Variants in ACAA2 observed in about 807,000 individuals in gnomAD.
ACAA2 encodes the protein acetyl-CoA acyltransferase 2, also known as 3-ketoacyl-CoA thiolase, mitochondrial.
Under a neutral mutation model 44.8 loss-of-function variants are expected in ACAA2, and 35 were observed. That is an observed-to-expected ratio of 0.78 (90% CI 0.60 to 1.04). The LOEUF (loss-of-function observed/expected upper bound fraction) is 1.04. Ranked by LOEUF, ACAA2 falls within the 50% of genes least tolerant of loss-of-function variation. The pLI, the probability that ACAA2 is intolerant of heterozygous loss-of-function variation, is 0.00. For missense variants in ACAA2, 468 were observed against 482.6 expected, an observed-to-expected ratio of 0.97 and a Z score of 0.28; for synonymous variants, 142 against 166.5, an observed-to-expected ratio of 0.85 and a Z score of 1.13.
chr18:49,808,823 T>G (rs1186709161), intron 1 of ACAA2, among the ~76,000 whole-genome samples: 1 of 152,236 alleles, frequency 6.6e-6, no homozygotes, highest in Non-Finnish European at 1.5e-5. Flanking sequence ...TGTTCAGCTG[T>G]GCACATATTG....
chr18:49,792,031 C>A (rs2023407370), intron 6 of ACAA2, 121 bp downstream of exon 6: 1 of 647,510 alleles, frequency 1.5e-6, no homozygotes, highest in African/African-American at 1.8e-5. Context: ...TGAATATGAA[C>A]ACTATTAGTT....
At chr18:49,799,372 G>A (rs912331397) in intron 2 of ACAA2, among the ~76,000 whole-genome samples, 6 of 151,486 alleles carry the variant, frequency 4.0e-5, no homozygotes, top group African/African-American at 1.5e-4. Flanking sequence ...GCGCCGCCAC[G>A]CCTGACTGGT....
intron 1 of ACAA2, among the ~76,000 whole-genome samples, chr18:49,807,251 TG>T (rs1285944739): frequency 6.6e-6 from 1 of 152,100 alleles, no homozygotes; most frequent in African/African-American, 2.4e-5. Context: ...AAAAATTAGT[TG>T]GGCATAGTGG....
At chr18:49,785,470 G>A (rs891570535) in intron 8 of ACAA2, 119 bp from the exon 9 acceptor site, 34 of 940,806 alleles carry the variant, frequency 3.6e-5, no homozygotes, top group African/African-American at 2.9e-4. Context: ...AAATTACCTC[G>A]CAAAGTTATT....
chr18:49,787,164 A>T, intron 8 of ACAA2, 127 bp downstream of exon 8: 1 of 684,888 alleles, frequency 1.5e-6, no homozygotes. Context: ...TTAGATGTAC[A>T]TCATTTGGAA....
At chr18:49,796,418 A>G (rs776951052) in intron 3 of ACAA2, among the ~76,000 whole-genome samples, 1 of 152,186 alleles carries the variant, frequency 6.6e-6, no homozygotes, top group Non-Finnish European at 1.5e-5. Context: ...GGTTCTTAAA[A>G]TTATTACTAG....
At chr18:49,788,588 A>G (rs1425691409) in intron 7 of ACAA2, among the ~76,000 whole-genome samples, 1 of 152,220 alleles carries the variant, frequency 6.6e-6, no homozygotes, top group Admixed American at 6.5e-5. Context: ...GAAATCATGA[A>G]AATGAGATGG....
intron 9 of ACAA2, among the ~76,000 whole-genome samples, chr18:49,784,854 A>G (rs1380792498): frequency 6.6e-6 from 1 of 151,676 alleles, no homozygotes; most frequent in Non-Finnish European, 1.5e-5. Flanking sequence ...TCTAAAATAG[A>G]TTTATTTTAC....
chr18:49,795,084 C>CT (rs1445274980), intron 4 of ACAA2, among the ~76,000 whole-genome samples: 1 of 152,190 alleles, frequency 6.6e-6, no homozygotes, highest in Non-Finnish European at 1.5e-5. Flanking sequence ...CATAGATTCT[C>CT]TTAAGTCCCA....
intron 1 of ACAA2, chr18:49,803,073 G>A: frequency 5.2e-6 from 3 of 579,060 alleles, no homozygotes; most frequent in Non-Finnish European, 6.2e-6. Context: ...ACCAAGAACT[G>A]CACTGCATGC....
intron 1 of ACAA2, among the ~76,000 whole-genome samples, chr18:49,805,444 G>A (rs956318108): frequency 5.3e-5 from 8 of 152,186 alleles, no homozygotes; most frequent in Non-Finnish European, 8.8e-5. Flanking sequence ...AATACTAGTC[G>A]AGTGCATTAC....
chr18:49,806,151 C>CTAT (rs2023608306), intron 1 of ACAA2, among the ~76,000 whole-genome samples: 4 of 152,126 alleles, frequency 2.6e-5, no homozygotes, highest in Non-Finnish European at 4.4e-5. Flanking sequence ...TTATTTATAG[C>CTAT]AACTAACTTG....
intron 5 of ACAA2, among the ~76,000 whole-genome samples, chr18:49,793,604 A>G (rs1471335006): frequency 2.6e-5 from 4 of 152,350 alleles, no homozygotes; most frequent in Admixed American, 6.5e-5. Context: ...CTTTATCCTC[A>G]TTACTTCAAG....
chr18:49,811,717 G>C (rs528029627), intron 1 of ACAA2, among the ~76,000 whole-genome samples: 1 of 152,130 alleles, frequency 6.6e-6, no homozygotes, highest in East Asian at 1.9e-4. Context: ...TCAAAGCTTG[G>C]GTTCTAGTCA....
In ACAA2 at chr18:49,789,866, C is replaced by G. The variant is rs554994005; in HGVS notation, c.883+1604G>C. ...AGGCGTGGGGGCGGGCACCTGTAAT[C>G]CCAGCTACTGGGAAGAATGAGGTTG... On this transcript the variant is annotated intron_variant, in intron 7 of 9. Coordinates refer to ENST00000285093, the MANE Select transcript of ACAA2 (RefSeq NM_006111.3). Among the ~76,000 whole-genome samples the G allele has an allele frequency of 1.6e-3, 238 of 152,226 alleles. 1 individual carries two copies. The highest frequency in any genetic ancestry group is 1.8e-3 in the Non-Finnish European group (121 of 68,016).
chr18:49,813,337 G>T, intron 1 of ACAA2, 132 bp downstream of exon 1: 1 of 696,512 alleles, frequency 1.4e-6, no homozygotes. Context: ...TATCACGTCC[G>T]CTCCAAAACC....
intron 3 of ACAA2, among the ~76,000 whole-genome samples, chr18:49,797,017 C>G (rs889104704): frequency 6.6e-6 from 1 of 152,060 alleles, no homozygotes; most frequent in Non-Finnish European, 1.5e-5. Context: ...AAGTATACAG[C>G]TCAGTAGTTT....
At chr18:49,808,912 G>GT (rs927587636) in intron 1 of ACAA2, among the ~76,000 whole-genome samples, 9 of 152,054 alleles carry the variant, frequency 5.9e-5, no homozygotes, top group African/African-American at 2.2e-4. Context: ...ACCAAGAAGC[G>GT]TTTTTTCCCC....
At chr18:49,796,957 A>C (rs2023471266) in intron 3 of ACAA2, among the ~76,000 whole-genome samples, 1 of 111,294 alleles carries the variant, frequency 9.0e-6, no homozygotes, top group African/African-American at 3.8e-5. Context: ...AGCTTTTAAA[A>C]ATATTGAAGT....
Sources: gnomAD v4.1 joint callset for allele counts (sites outside exome capture counted in the v4.1 genomes callset) on GRCh38, gnomAD v4.1.1 for gene constraint, MANE v1.5 for transcripts, NCBI Gene and HGNC (gene_info 2026-07-23, HGNC 2026-07-21) for gene names.